The following JAZF1 variants were observed in gnomAD, a reference collection of about 807,000 sequenced individuals.
The protein encoded by JAZF1 is JAZF zinc finger 1.
Under a neutral mutation model 26.4 loss-of-function variants are expected in JAZF1, and 8 were observed. That is an observed-to-expected ratio of 0.30 (90% CI 0.18 to 0.55). JAZF1 has a LOEUF of 0.55. Among genes scored for constraint, JAZF1 ranks in the 20% least tolerant of loss-of-function variants. JAZF1 has a pLI of 0.94. For synonymous variants in JAZF1, 126 were observed against 122.3 expected (o/e 1.03, Z -0.20); for missense variants, 199 against 322.0 (o/e 0.62, Z 2.92).
Position 27,887,695 on chromosome 7 carries a change from C to T in JAZF1, c.385+7525G>A, listed in dbSNP as rs531645065. Among the ~76,000 whole-genome samples the T allele has an allele frequency of 1.8e-4, 28 of 152,246 alleles. No homozygotes were observed. In the East Asian group the frequency reaches 4.4e-3, roughly 24 times the overall value. ...ACTCCCAAAGTGCTGGGATTACAGG[C>T]GTGAACCACTGTGCCTGGCCAATTT... On this transcript the variant is annotated intron_variant, in intron 3 of 4. Transcript: ENST00000283928.
At chr7:28,076,573 G>C (rs1007256713) in intron 1 of JAZF1, among the ~76,000 whole-genome samples, 1 of 152,020 alleles carries the variant, frequency 6.6e-6, no homozygotes, top group African/African-American at 2.4e-5. Flanking sequence ...TTCCGGTTAG[G>C]ATAACAATTA....
intron 3 of JAZF1, among the ~76,000 whole-genome samples, chr7:27,850,935 G>A (rs554169803): frequency 1.5e-4 from 23 of 151,756 alleles, no homozygotes; most frequent in South Asian, 1.2e-3. Flanking sequence ...ACATCGGAAT[G>A]AATTTTTAAA....
chr7:28,013,480 C>A (rs1258069441), intron 1 of JAZF1, among the ~76,000 whole-genome samples: 1 of 152,098 alleles, frequency 6.6e-6, no homozygotes, highest in Admixed American at 6.5e-5. Flanking sequence ...GGGGGTAGGG[C>A]AGGCATCCCC....
chr7:27,911,104 G>A (rs778365180), intron 2 of JAZF1, among the ~76,000 whole-genome samples: 4 of 152,150 alleles, frequency 2.6e-5, no homozygotes, highest in African/African-American at 4.8e-5. Flanking sequence ...ACCAAACACC[G>A]AAGAGCTACA....
intron 1 of JAZF1, among the ~76,000 whole-genome samples, chr7:27,998,154 T>C (rs1786060931): frequency 6.6e-6 from 1 of 151,914 alleles, no homozygotes; most frequent in Non-Finnish European, 1.5e-5. Flanking sequence ...CATGTTTACT[T>C]ACACAAACCT....
At chr7:27,937,338 C>T (rs886610996) in intron 2 of JAZF1, among the ~76,000 whole-genome samples, 4 of 152,180 alleles carry the variant, frequency 2.6e-5, no homozygotes, top group Non-Finnish European at 1.5e-5. Flanking sequence ...TACCCTAGCT[C>T]TGCCTATTTT....
intron 2 of JAZF1, among the ~76,000 whole-genome samples, chr7:27,931,117 T>C (rs1178925794): frequency 6.6e-6 from 1 of 152,222 alleles, no homozygotes; most frequent in East Asian, 1.9e-4. Context: ...TGAGATTACA[T>C]GTAGAGCATG....
chr7:27,928,217 T>G (rs1784629725), intron 2 of JAZF1, among the ~76,000 whole-genome samples: 1 of 152,198 alleles, frequency 6.6e-6, no homozygotes, highest in African/African-American at 2.4e-5. Flanking sequence ...TTGGCCAGCA[T>G]TTTCTGGTAC....
intron 2 of JAZF1, among the ~76,000 whole-genome samples, chr7:27,969,334 T>C (rs1286642512): frequency 1.3e-5 from 2 of 152,084 alleles, no homozygotes; most frequent in Non-Finnish European, 2.9e-5. Context: ...CAAGGACTGA[T>C]TGTATGCCGG....
intron 1 of JAZF1, among the ~76,000 whole-genome samples, chr7:28,170,079 G>A (rs1783430745): frequency 6.6e-6 from 1 of 151,822 alleles, no homozygotes; most frequent in South Asian, 2.1e-4. Flanking sequence ...AACTCACAGT[G>A]TTTACAGTTG....
At chr7:27,893,342 A>G (rs1418822956) in intron 3 of JAZF1, among the ~76,000 whole-genome samples, 1 of 152,236 alleles carries the variant, frequency 6.6e-6, no homozygotes, top group East Asian at 1.9e-4. Context: ...AATTTTAATC[A>G]TGGCTAAGGA....
chr7:27,969,413 G>A (rs979115482), intron 2 of JAZF1, among the ~76,000 whole-genome samples: 4 of 152,032 alleles, frequency 2.6e-5, no homozygotes, highest in South Asian at 2.1e-4. Flanking sequence ...CGGTGGTCAC[G>A]GAAGGTGGAA....
intron 3 of JAZF1, among the ~76,000 whole-genome samples, chr7:27,845,659 T>C (rs1285535333): frequency 1.4e-5 from 2 of 139,640 alleles, no homozygotes; most frequent in East Asian, 4.1e-4. Context: ...ATGGCGCCAT[T>C]GCACTCCAGC....
chr7:27,846,373 G>GTA (rs1783031204), intron 3 of JAZF1: 1 of 283,000 alleles, frequency 3.5e-6, no homozygotes, highest in African/African-American at 2.7e-5. Flanking sequence ...ATATGTATAC[G>GTA]TACATGTACG....
At chr7:27,876,571 T>C (rs1296464304) in intron 3 of JAZF1, among the ~76,000 whole-genome samples, 1 of 152,334 alleles carries the variant, frequency 6.6e-6, no homozygotes, top group Admixed American at 6.5e-5. Flanking sequence ...AATCTCTCTC[T>C]AGGTAAGTTT....
chr7:27,936,907 T>C lies in JAZF1; in HGVS notation c.189-41491A>G, dbSNP rs1784770012. On this transcript the variant is annotated intron_variant, in intron 2 of 4. Transcript: ENST00000283928. ...TCCTGCTTTAATCATAGCCAAATAT[T>C]TGAAATCACAGACATGCTTGCTGAC... Among the ~76,000 whole-genome samples the C allele has an allele frequency of 5.3e-5, 8 of 152,370 alleles. 1 individual carries two copies. In the South Asian group the frequency reaches 1.7e-3, roughly 32 times the overall value.
At chr7:28,155,469 T>C (rs181061273) in intron 1 of JAZF1, among the ~76,000 whole-genome samples, 8 of 152,348 alleles carry the variant, frequency 5.3e-5, no homozygotes, top group African/African-American at 7.2e-5. Context: ...CACAGAGTTA[T>C]ACGGTCTTCA....
At chr7:27,968,902 A>G (rs1785323504) in intron 2 of JAZF1, among the ~76,000 whole-genome samples, 1 of 152,154 alleles carries the variant, frequency 6.6e-6, no homozygotes, top group Admixed American at 6.6e-5. Context: ...CTCCAAATGA[A>G]TTTACCCCAA....
chr7:28,054,685 T>C (rs1394303633), intron 1 of JAZF1, among the ~76,000 whole-genome samples: 1 of 152,072 alleles, frequency 6.6e-6, no homozygotes, highest in African/African-American at 2.4e-5. Context: ...TCGAGGCCAT[T>C]AGGGTAAATG....
Sources: gnomAD v4.1 joint callset for allele counts (sites outside exome capture counted in the v4.1 genomes callset) on GRCh38, gnomAD v4.1.1 for gene constraint, MANE v1.5 for transcripts, NCBI Gene and HGNC (gene_info 2026-07-23, HGNC 2026-07-21) for gene names.